SLC12A8: variants seen among roughly 807,000 people sequenced by gnomAD.
The protein encoded by SLC12A8 is cation-chloride cotransporter 9.
SLC12A8 carries 69 observed loss-of-function variants against 75.6 expected under a neutral mutation model. The observed-to-expected ratio is 0.91, with a 90% CI of 0.75 to 1.11. The LOEUF (loss-of-function observed/expected upper bound fraction) is 1.11, where lower values mean the gene tolerates loss of function less well. SLC12A8 is among the 50% of genes most tolerant of loss of function. The probability of loss-of-function intolerance (pLI) is 0.00; values close to 1 mark genes in which losing one functional copy is unlikely to be tolerated. For synonymous variants in SLC12A8, 365 were observed against 372.8 expected (o/e 0.98, Z 0.24); for missense variants, 877 against 896.7 (o/e 0.98, Z 0.28).
At chr3:125,194,580 A>G (rs111877821) in intron 2 of SLC12A8, among the ~76,000 whole-genome samples, 3,422 of 152,332 alleles carry the variant, frequency 0.022, 141 homozygotes, top group African/African-American at 0.078. Flanking sequence ...GCTCAGCCCC[A>G]GAAGCCTTTT....
At chr3:125,104,636 G>A (rs758263696) in intron 10 of SLC12A8, among the ~76,000 whole-genome samples, 1 of 151,866 alleles carries the variant, frequency 6.6e-6, no homozygotes, top group Non-Finnish European at 1.5e-5. Context: ...AGGAAAAAAA[G>A]AAAAAACACA....
chr3:125,109,512 G>T (rs1939129460), intron 9 of SLC12A8, among the ~76,000 whole-genome samples: 1 of 152,214 alleles, frequency 6.6e-6, no homozygotes, highest in South Asian at 2.1e-4. Context: ...ATTGGAAGCG[G>T]CTGGGGAGGC....
chr3:125,128,676 A>G (rs956131314), intron 6 of SLC12A8, among the ~76,000 whole-genome samples: 4 of 152,138 alleles, frequency 2.6e-5, no homozygotes, highest in African/African-American at 9.7e-5. Context: ...GTTTCTGCCC[A>G]TAAGTCCATC....
chr3:125,135,164 C>T (rs9814968), intron 6 of SLC12A8, among the ~76,000 whole-genome samples: 9,930 of 152,256 alleles, frequency 0.065, 435 homozygotes, highest in Non-Finnish European at 0.091. Flanking sequence ...GTTTGGCTCA[C>T]ACCTGATACA....
chr3:125,126,378 A>G (rs1446965916), intron 6 of SLC12A8, among the ~76,000 whole-genome samples: 1 of 152,240 alleles, frequency 6.6e-6, no homozygotes, highest in Non-Finnish European at 1.5e-5. Flanking sequence ...CACAGAAGAC[A>G]TAGAGGGCCA....
intron 4 of SLC12A8, among the ~76,000 whole-genome samples, chr3:125,182,728 G>A (rs1215558600): frequency 2.0e-5 from 3 of 152,090 alleles, no homozygotes; most frequent in African/African-American, 4.8e-5. Context: ...GGCTGGTCTC[G>A]AACTCCTGAC....
chr3:125,204,046 A>T (rs1401670665), intron 2 of SLC12A8, among the ~76,000 whole-genome samples: 1 of 152,204 alleles, frequency 6.6e-6, no homozygotes, highest in Non-Finnish European at 1.5e-5. Context: ...ACCACCTCAC[A>T]CCTGTTAGAA....
At chr3:125,155,816 A>G (rs1934037274) in intron 5 of SLC12A8, among the ~76,000 whole-genome samples, 2 of 139,412 alleles carry the variant, frequency 1.4e-5, no homozygotes, top group African/African-American at 2.7e-5. Flanking sequence ...TTGATGAACC[A>G]CTTTTCTTAA....
At chr3:125,101,806 A>G (rs1170298525) in intron 10 of SLC12A8, among the ~76,000 whole-genome samples, 2 of 152,210 alleles carry the variant, frequency 1.3e-5, no homozygotes, top group East Asian at 1.9e-4. Flanking sequence ...TTCTTATAAT[A>G]GTTTAACTCT....
intron 13 of SLC12A8, 88 bp downstream of exon 13, chr3:125,088,222 A>C (rs1938507737): frequency 7.9e-6 from 11 of 1,389,258 alleles, no homozygotes; most frequent in Non-Finnish European, 1.1e-5. Flanking sequence ...ATCCAGGCCC[A>C]AGCCCAGCCA....
intron 5 of SLC12A8, among the ~76,000 whole-genome samples, chr3:125,140,414 G>C (rs35278457): frequency 6.6e-6 from 1 of 152,164 alleles, no homozygotes; most frequent in Non-Finnish European, 1.5e-5. Flanking sequence ...CAGGAGGTGG[G>C]TTCCCAGGCC....
intron 4 of SLC12A8, among the ~76,000 whole-genome samples, chr3:125,183,182 G>T (rs368482902): frequency 1.3e-5 from 2 of 152,074 alleles, no homozygotes; most frequent in South Asian, 2.1e-4. Flanking sequence ...CCCCAGAGGC[G>T]GTACCCCTTC....
At chr3:125,209,594 C>T (rs1251455900) in intron 2 of SLC12A8, among the ~76,000 whole-genome samples, 1 of 152,218 alleles carries the variant, frequency 6.6e-6, no homozygotes, top group Non-Finnish European at 1.5e-5. Flanking sequence ...ATACACAACA[C>T]ACCATGCCAG....
chr3:125,114,428 G>C (rs1351434671), intron 8 of SLC12A8, among the ~76,000 whole-genome samples: 2 of 152,116 alleles, frequency 1.3e-5, no homozygotes, highest in Non-Finnish European at 2.9e-5. Context: ...AGTTTTAGGG[G>C]GGTTTTGTAT....
chr3:125,204,836 AC>A (rs1379539803), intron 2 of SLC12A8, among the ~76,000 whole-genome samples: 2 of 152,176 alleles, frequency 1.3e-5, no homozygotes, highest in Non-Finnish European at 1.5e-5. Flanking sequence ...TATCATATGT[AC>A]CCCCATAAAT....
At chr3:125,091,915 A>G (rs1938589814) in intron 11 of SLC12A8, among the ~76,000 whole-genome samples, 186 bp downstream of exon 11, 1 of 152,240 alleles carries the variant, frequency 6.6e-6, no homozygotes, top group South Asian at 2.1e-4. Context: ...GAAATTATTG[A>G]TTAAAATAAG....
intron 7 of SLC12A8, chr3:125,119,806 C>G (rs1033017359): frequency 2.2e-6 from 1 of 455,442 alleles, no homozygotes; most frequent in Non-Finnish European, 4.4e-6. Flanking sequence ...TAACACAGGC[C>G]CTTTTAACTT....
rs568644508 is a variant in SLC12A8, at chr3:125,155,668, A to G, written c.623-19886T>C. On this transcript the variant is annotated intron_variant, in intron 5 of 13. Coordinates refer to ENST00000469902, the MANE Select transcript of SLC12A8 (RefSeq NM_024628.6). Reference sequence around the variant, plus strand: ...CGGGAGGCTGAGACAGGAGGATGGCATGAACCTGGGAGGCGGAGCTTGCAG... The same window carrying G: ...CGGGAGGCTGAGACAGGAGGATGGCGTGAACCTGGGAGGCGGAGCTTGCAG... Among the ~76,000 whole-genome samples, 88 of 140,726 alleles carry G rather than the reference A, an allele frequency of 6.3e-4. 2 individuals carry two copies. Among genetic ancestry groups the G allele is most frequent in the Middle Eastern group, 7.1e-3 (2 of 280 alleles). 92.3% of individuals were successfully genotyped at this position (140,726 alleles called of 152,430 possible).
intron 6 of SLC12A8, among the ~76,000 whole-genome samples, chr3:125,125,516 G>A (rs974699945): frequency 4.6e-5 from 7 of 152,102 alleles, no homozygotes; most frequent in African/African-American, 1.4e-4. Context: ...CCAAGATCAC[G>A]CCACTGCACT....
Sources: allele counts gnomAD v4.1 joint callset (sites outside exome capture counted in the v4.1 genomes callset), GRCh38; gene constraint gnomAD v4.1.1; transcripts MANE v1.5; gene names NCBI Gene and HGNC (gene_info 2026-07-23, HGNC 2026-07-21).